LRFN5: variants seen among roughly 807,000 people sequenced by gnomAD.
LRFN5 encodes leucine-rich repeat and fibronectin type-III domain-containing protein 5.
In LRFN5, 24 loss-of-function variants were observed where a neutral mutation model predicts 45.6. The ratio of observed to expected loss-of-function variants is 0.53; its 90% CI spans 0.38 to 0.74. The LOEUF (loss-of-function observed/expected upper bound fraction) is 0.74. LRFN5 is among the 30% of genes least tolerant of loss of function. LRFN5 has a pLI of 0.00. For synonymous variants in LRFN5, 340 were observed against 313.8 expected (o/e 1.08, Z -0.88); for missense variants, 776 against 861.5 (o/e 0.90, Z 1.24).
intron 1 of LRFN5, among the ~76,000 whole-genome samples, chr14:41,631,208 C>G (rs1393617490): frequency 6.6e-6 from 1 of 152,148 alleles, no homozygotes; most frequent in Non-Finnish European, 1.5e-5. Context: ...TTACACTGTT[C>G]ACAACAGTAA....
intron 2 of LRFN5, among the ~76,000 whole-genome samples, chr14:41,778,018 G>GC (rs1307733037): frequency 4.1e-5 from 6 of 147,344 alleles, no homozygotes; most frequent in African/African-American, 1.2e-4. Flanking sequence ...TGGTGGGGGG[G>GC]GGGGATTGAG....
At chr14:41,868,868 T>C (rs1326228844) in intron 2 of LRFN5, among the ~76,000 whole-genome samples, 1 of 152,174 alleles carries the variant, frequency 6.6e-6, no homozygotes, top group African/African-American at 2.4e-5. Flanking sequence ...GGTGTAGAAA[T>C]TGAACATGCC....
chr14:41,836,394 T>C (rs377760741), intron 2 of LRFN5, among the ~76,000 whole-genome samples: 2 of 152,244 alleles, frequency 1.3e-5, no homozygotes, highest in South Asian at 2.1e-4. Flanking sequence ...ATACTTGATA[T>C]ACATGTATAT....
chr14:41,785,275 G>A (rs1250936879), intron 2 of LRFN5, among the ~76,000 whole-genome samples: 2 of 151,878 alleles, frequency 1.3e-5, no homozygotes, highest in Non-Finnish European at 2.9e-5. Context: ...TTATTGAGAT[G>A]GTGGGTTTTA....
At chr14:41,650,925 G>C (rs1359560516) in intron 1 of LRFN5, among the ~76,000 whole-genome samples, 1 of 124,658 alleles carries the variant, frequency 8.0e-6, no homozygotes, top group Admixed American at 8.2e-5. Context: ...GGGAGGGAGG[G>C]AGGGAGAGGG....
intron 2 of LRFN5, among the ~76,000 whole-genome samples, chr14:41,781,709 AG>A (rs1886535287): frequency 6.7e-6 from 1 of 150,298 alleles, no homozygotes. Flanking sequence ...AGAAAGAAAA[AG>A]AGAGAGAGGA....
chr14:41,813,018 G>T (rs1887788869), intron 2 of LRFN5, among the ~76,000 whole-genome samples: 1 of 152,174 alleles, frequency 6.6e-6, no homozygotes, highest in Non-Finnish European at 1.5e-5. Context: ...GGTTGAAAGT[G>T]ATGAGAAATA....
chr14:41,764,094 C>T (rs1885778322), intron 1 of LRFN5, among the ~76,000 whole-genome samples: 1 of 152,134 alleles, frequency 6.6e-6, no homozygotes, highest in Non-Finnish European at 1.5e-5. Context: ...AATTTTCCCT[C>T]TTTGGTCATT....
At chr14:41,645,299 A>G (rs1432998684) in intron 1 of LRFN5, among the ~76,000 whole-genome samples, 1 of 152,100 alleles carries the variant, frequency 6.6e-6, no homozygotes, top group Non-Finnish European at 1.5e-5. Flanking sequence ...CAGTGGCACA[A>G]TCTCTGCTCA....
intron 1 of LRFN5, among the ~76,000 whole-genome samples, chr14:41,725,449 C>T (rs1310601724): frequency 2.0e-5 from 3 of 152,166 alleles, no homozygotes; most frequent in Non-Finnish European, 4.4e-5. Flanking sequence ...GAGATATCTT[C>T]TTGTCTCTTC....
intron 2 of LRFN5, among the ~76,000 whole-genome samples, chr14:41,816,324 A>G (rs920694663): frequency 1.3e-5 from 2 of 152,100 alleles, no homozygotes; most frequent in African/African-American, 4.8e-5. Context: ...TATCTGTTAG[A>G]TCAATTAAGA....
chr14:41,892,634 T>A (rs1890824087), intron 4 of LRFN5: 3 of 983,686 alleles, frequency 3.0e-6, no homozygotes, highest in Non-Finnish European at 3.6e-6. Flanking sequence ...TGCTAAATTA[T>A]TTAAAATACA....
chr14:41,793,097 ATG>A lies in LRFN5; in HGVS notation c.-21+26070_-21+26071del, dbSNP rs1197983325. Among the ~76,000 whole-genome samples, 8 of 151,934 alleles carry A rather than the reference ATG, an allele frequency of 5.3e-5. No homozygotes were observed. The East Asian group carries it at 1.4e-3, about 26-fold the overall frequency. ...GCACCAGCATGGCACATGTATACAT[ATG>A]TAACTAACCTTCACATTGTGCACAT... On this transcript the variant is annotated intron_variant, in intron 2 of 5. Coordinates refer to ENST00000298119, the MANE Select transcript of LRFN5 (RefSeq NM_152447.5).
intron 3 of LRFN5, among the ~76,000 whole-genome samples, chr14:41,890,751 T>C (rs969845323): frequency 9.2e-5 from 14 of 151,998 alleles, no homozygotes; most frequent in African/African-American, 3.4e-4. Context: ...ATCTTAGTTA[T>C]TAAGTATATA....
chr14:41,792,616 A>G (rs1886966355), intron 2 of LRFN5, among the ~76,000 whole-genome samples: 2 of 151,956 alleles, frequency 1.3e-5, no homozygotes, highest in South Asian at 2.1e-4. Flanking sequence ...ACGTCTGTTT[A>G]TATGCTCTCT....
At chr14:41,898,719 G>A (rs189805051) in intron 4 of LRFN5, among the ~76,000 whole-genome samples, 198 bp from the exon 5 acceptor site, 129 of 152,062 alleles carry the variant, frequency 8.5e-4, no homozygotes, top group African/African-American at 2.5e-3. Flanking sequence ...GAATAAGAAA[G>A]TAGACATAGA....
intron 4 of LRFN5, chr14:41,895,008 T>C (rs1890893659): frequency 2.0e-6 from 2 of 982,558 alleles, no homozygotes; most frequent in Non-Finnish European, 1.2e-6. Context: ...TATTTTTCTT[T>C]TATTTTTGTC....
intron 2 of LRFN5, among the ~76,000 whole-genome samples, chr14:41,823,028 C>T (rs1888174208): frequency 1.3e-5 from 2 of 151,688 alleles, no homozygotes; most frequent in African/African-American, 2.4e-5. Context: ...CTATAAGTGT[C>T]ATTACTAGTT....
intron 2 of LRFN5, among the ~76,000 whole-genome samples, chr14:41,851,391 T>C (rs1889262729): frequency 6.6e-6 from 1 of 151,840 alleles, no homozygotes; most frequent in South Asian, 2.1e-4. Flanking sequence ...ATTTCAAAGC[T>C]AATTCTCACT....
Sources: gnomAD v4.1 joint callset for allele counts (sites outside exome capture counted in the v4.1 genomes callset) on GRCh38, gnomAD v4.1.1 for gene constraint, MANE v1.5 for transcripts, NCBI Gene and HGNC (gene_info 2026-07-23, HGNC 2026-07-21) for gene names.